ACACA: variants seen among roughly 807,000 people sequenced by gnomAD.
The protein encoded by ACACA is acetyl-CoA carboxylase 1.
Under a neutral mutation model 296.1 loss-of-function variants are expected in ACACA, and 103 were observed. The ratio of observed to expected loss-of-function variants is 0.35; its 90% CI spans 0.30 to 0.41. The LOEUF (loss-of-function observed/expected upper bound fraction) is 0.41. Among genes scored for constraint, ACACA ranks in the 10% least tolerant of loss-of-function variants. ACACA has a pLI of 1.00. For synonymous variants in ACACA, 953 were observed against 1,038.6 expected (o/e 0.92, Z 1.58); for missense variants, 1,554 against 2,989.7 (o/e 0.52, Z 11.20).
intron 1 of ACACA, chr17:37,386,210 G>A (rs531310753): frequency 2.6e-5 from 21 of 823,176 alleles, no homozygotes; most frequent in South Asian, 1.7e-4. Flanking sequence ...TAGCCCCAGC[G>A]TTAGTCTGGA....
intron 3 of ACACA, among the ~76,000 whole-genome samples, chr17:37,319,146 TG>T (rs2047229559): frequency 1.3e-5 from 2 of 151,968 alleles, no homozygotes; most frequent in South Asian, 2.1e-4. Flanking sequence ...TAAAAAAAGG[TG>T]GGGGGTGGTA....
intron 1 of ACACA, among the ~76,000 whole-genome samples, chr17:37,379,878 G>T (rs1392044628): frequency 6.8e-6 from 1 of 147,348 alleles, no homozygotes; most frequent in Non-Finnish European, 1.5e-5. Flanking sequence ...GATTCCTCAG[G>T]GATCTAGAAC....
intron 1 of ACACA, among the ~76,000 whole-genome samples, chr17:37,360,621 C>T (rs1196201532): frequency 1.3e-5 from 2 of 151,976 alleles, no homozygotes; most frequent in Non-Finnish European, 2.9e-5. Context: ...ACTGTGCCTG[C>T]GCCTGTGAAT....
chr17:37,327,550 A>G (rs2047677862), intron 3 of ACACA, among the ~76,000 whole-genome samples: 2 of 152,214 alleles, frequency 1.3e-5, no homozygotes, highest in South Asian at 4.1e-4. Context: ...CTGACCACAT[A>G]GACTTTGCAT....
At chr17:37,386,943 G>A (rs568162182) in intron 1 of ACACA, 1 of 152,082 alleles carries the variant, frequency 6.6e-6, no homozygotes, top group East Asian at 1.9e-4. Flanking sequence ...TCAGCCTCCT[G>A]AGTAGCTGGG....
At chr17:37,142,539 G>T (rs1282195095) in intron 45 of ACACA, among the ~76,000 whole-genome samples, 1 of 152,218 alleles carries the variant, frequency 6.6e-6, no homozygotes, top group African/African-American at 2.4e-5. Context: ...TACTCAGAAA[G>T]GAAGCTAAAA....
intron 50 of ACACA, among the ~76,000 whole-genome samples, chr17:37,118,569 A>T (rs2074369627): frequency 6.6e-6 from 1 of 152,222 alleles, no homozygotes; most frequent in African/African-American, 2.4e-5. Context: ...ATATTCTAGT[A>T]GATCTAGTTC....
At chr17:37,267,561 GTTAA>G (rs2081843955) in intron 10 of ACACA, among the ~76,000 whole-genome samples, 3 of 152,084 alleles carry the variant, frequency 2.0e-5, no homozygotes, top group Admixed American at 1.3e-4. Context: ...CTCACCAGTC[GTTAA>G]TTATTTATCT....
intron 7 of ACACA, 91 bp from the exon 8 acceptor site, chr17:37,276,140 A>G (rs2082276591): frequency 1.1e-6 from 1 of 943,492 alleles, no homozygotes; most frequent in Non-Finnish European, 1.7e-6. Context: ...CTATTTATGT[A>G]TTTGTCTTGT....
At position 37,113,382 on chromosome 17, in the gene ACACA, T is replaced by G. The variant is rs1436485821; in HGVS notation, c.6275-117A>C. The G allele has an allele frequency of 9.6e-7, 1 of 1,041,422 alleles. No individual in the cohort carries two copies. Among genetic ancestry groups the G allele is most frequent in the African/African-American group, 1.6e-5 (1 of 63,944 alleles). The allele number at this position is 1,041,422 out of a possible 1,614,324, so 64.5% of individuals were successfully genotyped here. A position where few individuals can be genotyped will look rare whatever the true frequency, so the allele number is the denominator to read the frequency against. ...GCCTCCTTATACTATGCCTCCTGTT[T>G]GGCCACCCTATAGACTAAAGGGAGT... is the stretch of plus-strand genomic sequence containing the variant. On this transcript the variant is annotated intron_variant, in intron 50 of 55. Coordinates refer to ENST00000616317, the MANE Select transcript of ACACA (RefSeq NM_198834.3). This position sits in a 1 kb window ranked among gnomAD's most constrained non-coding sequence, Gnocchi z 4.0.
At chr17:37,270,412 A>G (rs1252670360) in intron 10 of ACACA, among the ~76,000 whole-genome samples, 2 of 152,250 alleles carry the variant, frequency 1.3e-5, no homozygotes, top group African/African-American at 2.4e-5. Context: ...GGGCACAAAA[A>G]TACAGAAAGG....
chr17:37,165,046 C>T (rs2076609585), intron 41 of ACACA, among the ~76,000 whole-genome samples: 1 of 152,146 alleles, frequency 6.6e-6, no homozygotes, highest in Non-Finnish European at 1.5e-5. Flanking sequence ...GGTGTCAGCA[C>T]AGCAGCACCA....
chr17:37,171,837 T>G (rs1308022660), intron 41 of ACACA, among the ~76,000 whole-genome samples: 2 of 152,212 alleles, frequency 1.3e-5, no homozygotes, highest in East Asian at 3.8e-4. Context: ...AGTAATTTAA[T>G]AAGCATAGGA....
chr17:37,360,213 G>C (rs994807142), intron 1 of ACACA: 3 of 152,190 alleles, frequency 2.0e-5, no homozygotes, highest in African/African-American at 7.2e-5. Flanking sequence ...GGTGAACTCA[G>C]CCCTTCCAAG....
intron 29 of ACACA, among the ~76,000 whole-genome samples, chr17:37,217,734 C>CAAAAAAAAAAAAA (rs57846347): frequency 3.4e-5 from 1 of 29,374 alleles, no homozygotes; most frequent in African/African-American, 1.8e-4. Context: ...GACTCCATCT[C>CAAAAAAAAAAAAA]AAAAAAAAAA....
intron 14 of ACACA, among the ~76,000 whole-genome samples, chr17:37,253,528 G>A (rs559481468): frequency 1.3e-5 from 2 of 152,288 alleles, no homozygotes; most frequent in Non-Finnish European, 1.5e-5. Context: ...GCATTCAAGA[G>A]AGGGAAATTT....
At chr17:37,228,071 A>T (rs1416721302) in intron 25 of ACACA, among the ~76,000 whole-genome samples, 1 of 152,052 alleles carries the variant, frequency 6.6e-6, no homozygotes, top group Non-Finnish European at 1.5e-5. Flanking sequence ...CTCTTTATAG[A>T]CCTTTATCAC....
chr17:37,206,689 C>A (rs2078514980), intron 32 of ACACA, 94 bp downstream of exon 32: 4 of 1,060,574 alleles, frequency 3.8e-6, no homozygotes, highest in Non-Finnish European at 5.7e-6. Flanking sequence ...AGGATGAATT[C>A]TTTCCTATAA....
Position 37,086,383 on chromosome 17 carries a change from ACTATCTAT to A in ACACA, c.*925_*932del, listed in dbSNP as rs540396270. 2.0e-5 allele frequency: 3 copies of A among 152,208 alleles called. No individual in the cohort carries two copies. Among genetic ancestry groups the A allele is most frequent in the African/African-American group, 7.2e-5 (3 of 41,420 alleles). 9.4% of individuals were successfully genotyped at this position (152,208 alleles called of 1,614,324 possible). The stretch of plus-strand genomic sequence containing the variant: ...CTTTCCAAGTCCTCAAAACAAACAG[ACTATCTAT>A]CTATCTCACTGGCTCTCCACATGGC... On this transcript the variant is annotated 3_prime_UTR_variant, in exon 56 of 56. Coordinates refer to ENST00000616317, the MANE Select transcript of ACACA (RefSeq NM_198834.3).
Sources: allele counts gnomAD v4.1 joint callset (sites outside exome capture counted in the v4.1 genomes callset), GRCh38; gene constraint gnomAD v4.1.1; non-coding constraint Gnocchi (gnomAD v3.1); transcripts MANE v1.5; gene names NCBI Gene and HGNC (gene_info 2026-07-23, HGNC 2026-07-21).